SAMD4A: variants seen among roughly 807,000 people sequenced by gnomAD.
The protein encoded by SAMD4A is sterile alpha motif domain containing 4A.
A neutral mutation model predicts 81.3 loss-of-function variants in SAMD4A; 33 were observed. That is an observed-to-expected ratio of 0.41 (90% CI 0.31 to 0.54). The LOEUF (loss-of-function observed/expected upper bound fraction) is 0.54, where lower values mean the gene tolerates loss of function less well. Among genes scored for constraint, SAMD4A ranks in the 20% least tolerant of loss-of-function variants. SAMD4A has a pLI of 0.37. For synonymous variants in SAMD4A, 389 were observed against 382.1 expected (o/e 1.02, Z -0.21); for missense variants, 854 against 951.1 (o/e 0.90, Z 1.34).
At position 54,751,339 on chromosome 14, in the gene SAMD4A, G is replaced by A. The variant is rs986392489; in HGVS notation, c.1090-112G>A. ...GAGATAAGTGGATATTGATCAGCCC[G>A]TGAACATATAGGAGCAAAGAAGACA... On this transcript the variant is annotated intron_variant, in intron 5 of 12. Transcript: ENST00000554335. 6.5e-5 allele frequency: 44 copies of A among 677,262 alleles called. No homozygotes were observed. The East Asian group carries it at 9.6e-4, about 15-fold the overall frequency. The allele number at this position is 677,262 out of a possible 1,614,324, so 42.0% of individuals were successfully genotyped here.
rs1303469030 is a variant in SAMD4A, at chr14:54,711,742, T to A, written c.715+9162T>A. ...TCCTTGCATTTATGGAAAGGATGGC[T>A]GCTAGGCCTCATAGAGCCAACATCT... is the stretch of plus-strand genomic sequence containing the variant. On this transcript the variant is annotated intron_variant, in intron 3 of 12. Transcript: ENST00000554335. 3.3e-5 allele frequency among the ~76,000 whole-genome samples: 5 copies of A among 152,072 alleles called. No homozygotes were observed. In the East Asian group the frequency reaches 9.7e-4, roughly 29 times the overall value.
At chr14:54,716,076 G>A (rs1248531116) in intron 3 of SAMD4A, among the ~76,000 whole-genome samples, 1 of 152,142 alleles carries the variant, frequency 6.6e-6, no homozygotes, top group East Asian at 1.9e-4. Context: ...AAGAAAAGTG[G>A]ACTATTCGAA....
Position 54,624,571 on chromosome 14 carries a change from G to A in SAMD4A, c.196+56459G>A, listed in dbSNP as rs61975136. ...CAAATGATGTGCTGACTGAAGTTTGGTAAAAAGCATGTAGTTGAGATTCAA... is the reference window on the plus strand; with the variant it reads ...CAAATGATGTGCTGACTGAAGTTTGATAAAAAGCATGTAGTTGAGATTCAA... On this transcript the variant is annotated intron_variant, in intron 2 of 12. Transcript: ENST00000554335. Among the ~76,000 whole-genome samples, 725 of 152,338 alleles carry A rather than the reference G, an allele frequency of 4.8e-3. 6 individuals are homozygous for A. The highest frequency in any genetic ancestry group is 8.2e-3 in the Non-Finnish European group (558 of 68,026).
chr14:54,578,889 T>C (rs2033385748), intron 2 of SAMD4A, among the ~76,000 whole-genome samples: 1 of 152,164 alleles, frequency 6.6e-6, no homozygotes, highest in Non-Finnish European at 1.5e-5. Flanking sequence ...GAGTAGGGCT[T>C]CCACATTTAA....
intron 6 of SAMD4A, among the ~76,000 whole-genome samples, chr14:54,752,363 G>A (rs890978722): frequency 3.3e-5 from 5 of 152,232 alleles, no homozygotes; most frequent in Admixed American, 2.0e-4. Context: ...TCAGGGTTGG[G>A]ATTCTTATGC....
chr14:54,637,942 C>T (rs1025681649), intron 2 of SAMD4A, among the ~76,000 whole-genome samples: 1 of 152,208 alleles, frequency 6.6e-6, no homozygotes, highest in Non-Finnish European at 1.5e-5. Context: ...TCCATAGCCT[C>T]TCTGCTAACA....
rs1386546949 is a variant in SAMD4A at position 54,690,737 on chromosome 14, CA to C, written c.197-11323del. ...CAGATATCTGATAGATTAATAAATA[CA>C]ACCACTTCCAAAGGTGATGGTATGA... On this transcript the variant is annotated intron_variant, in intron 2 of 12. Coordinates refer to ENST00000554335, the MANE Select transcript of SAMD4A (RefSeq NM_015589.6). Among the ~76,000 whole-genome samples the C allele has an allele frequency of 4.6e-5, 7 of 152,322 alleles. No homozygotes were observed. In the South Asian group the frequency reaches 8.3e-4, roughly 18 times the overall value.
At chr14:54,596,366 C>T (rs1303823248) in intron 2 of SAMD4A, among the ~76,000 whole-genome samples, 1 of 152,158 alleles carries the variant, frequency 6.6e-6, no homozygotes, top group Non-Finnish European at 1.5e-5. Flanking sequence ...AGGTGGATCA[C>T]CTGAGGTCAG....
At chr14:54,746,293 A>G (rs970820763) in intron 4 of SAMD4A, among the ~76,000 whole-genome samples, 4 of 152,188 alleles carry the variant, frequency 2.6e-5, no homozygotes, top group African/African-American at 9.7e-5. Context: ...CTGAGATAGG[A>G]CAATGCTTGC....
intron 2 of SAMD4A, among the ~76,000 whole-genome samples, chr14:54,609,845 G>T (rs1304037031): frequency 6.6e-6 from 1 of 152,162 alleles, no homozygotes; most frequent in African/African-American, 2.4e-5. Context: ...CAGGACCAAA[G>T]ACTTTATTTG....
intron 3 of SAMD4A, among the ~76,000 whole-genome samples, chr14:54,721,061 G>A (rs562124281): frequency 5.3e-5 from 8 of 152,254 alleles, no homozygotes; most frequent in Middle Eastern, 3.4e-3. Flanking sequence ...TGCCTTTGCT[G>A]TCATTTTTGT....
intron 7 of SAMD4A, among the ~76,000 whole-genome samples, chr14:54,762,917 C>T (rs1287476662): frequency 4.0e-5 from 6 of 150,660 alleles, no homozygotes; most frequent in East Asian, 2.0e-4. Context: ...TGCAGTGGCG[C>T]GATCTAGGCT....
At chr14:54,608,405 G>A (rs1205681579) in intron 2 of SAMD4A, among the ~76,000 whole-genome samples, 1 of 152,150 alleles carries the variant, frequency 6.6e-6, no homozygotes, top group Non-Finnish European at 1.5e-5. Context: ...GTTATATACT[G>A]CCTAATTGGA....
chr14:54,778,054 C>T (rs138850899), intron 11 of SAMD4A, among the ~76,000 whole-genome samples: 57 of 152,278 alleles, frequency 3.7e-4, no homozygotes, highest in African/African-American at 1.1e-3. Context: ...AGAGGTCCTG[C>T]GCACAAGGAG....
intron 2 of SAMD4A, among the ~76,000 whole-genome samples, chr14:54,610,451 C>T (rs546349628): frequency 5.3e-5 from 8 of 152,210 alleles, no homozygotes; most frequent in African/African-American, 4.8e-5. Context: ...AGCCTGGCAC[C>T]GCAATGGGCT....
At chr14:54,618,679 A>G (rs1484520660) in intron 2 of SAMD4A, among the ~76,000 whole-genome samples, 1 of 152,186 alleles carries the variant, frequency 6.6e-6, no homozygotes, top group East Asian at 1.9e-4. Context: ...GAGAGTTACC[A>G]AGTTACTAAG....
intron 4 of SAMD4A, among the ~76,000 whole-genome samples, chr14:54,738,508 C>A (rs968276847): frequency 6.6e-6 from 1 of 152,312 alleles, no homozygotes; most frequent in East Asian, 1.9e-4. Context: ...GGGGATGTGT[C>A]TTAATGCTGA....
chr14:54,740,152 A>G (rs1406657483), intron 4 of SAMD4A, among the ~76,000 whole-genome samples: 1 of 152,248 alleles, frequency 6.6e-6, no homozygotes, highest in Non-Finnish European at 1.5e-5. Context: ...CCTGGGCAAC[A>G]GAGTGAGTGA....
chr14:54,737,016 T>G lies in SAMD4A; in HGVS notation c.716-8T>G. The stretch of plus-strand genomic sequence containing the variant: ...GAATAACCTATTTCATTTTATTTTT[T>G]TTTCCAGTTCTCTCAGGCCAGGCAC... On this transcript the variant is annotated splice_polypyrimidine_tract_variant and splice_region_variant and intron_variant, in intron 3 of 12. Coordinates refer to ENST00000554335, the MANE Select transcript of SAMD4A (RefSeq NM_015589.6). 6.2e-7 allele frequency: 1 copy of G among 1,612,896 alleles called. No individual in the cohort carries two copies. The highest frequency in any genetic ancestry group is 8.5e-7 in the Non-Finnish European group (1 of 1,179,924).
Sources: gnomAD v4.1 joint callset for allele counts (sites outside exome capture counted in the v4.1 genomes callset) on GRCh38, gnomAD v4.1.1 for gene constraint, MANE v1.5 for transcripts, NCBI Gene and HGNC (gene_info 2026-07-23, HGNC 2026-07-21) for gene names.